MYO9A: variants seen among roughly 807,000 people sequenced by gnomAD.
MYO9A encodes unconventional myosin-IXa.
In MYO9A, 103 loss-of-function variants were observed where a neutral mutation model predicts 293.3. That is an observed-to-expected ratio of 0.35 (90% CI 0.30 to 0.41). The LOEUF (loss-of-function observed/expected upper bound fraction) is 0.41. Ranked by LOEUF, MYO9A falls within the 10% of genes least tolerant of loss-of-function variation. The probability of loss-of-function intolerance (pLI) is 1.00; values close to 1 mark genes in which losing one functional copy is unlikely to be tolerated. For synonymous variants in MYO9A, 1,001 were observed against 1,035.7 expected (o/e 0.97, Z 0.64); for missense variants, 2,685 against 3,033.0 (o/e 0.89, Z 2.69).
Position 71,826,968 on chromosome 15 carries a change from T to G in MYO9A, c.7259A>C (p.Lys2420Thr). 1 of 1,613,662 alleles carries G rather than the reference T, an allele frequency of 6.2e-7. No individual in the cohort carries two copies. The highest frequency in any genetic ancestry group is 8.5e-7 in the Non-Finnish European group (1 of 1,179,846). ...GACATCTAAAGAGTCTTGCTGCTTT[T>G]TAAGTTGCTTTCGCAACTTGCTGGA... ...EPSSKLRKQL[K>T]KQQDSLDVVD... is the part of the protein sequence containing the mutation. Residue 2420 changes from lysine to threonine, a missense_variant, in exon 42 of 42, where the codon AAA (lysine) becomes ACA (threonine). Lys to Thr is a moderately conservative substitution (Grantham distance 78). This residue lies in a region of MYO9A where 350 missense variants were observed against 328.9 expected (regional missense o/e 1.06). Coordinates refer to ENST00000356056, the MANE Select transcript of MYO9A (RefSeq NM_006901.4).
intron 1 of MYO9A, among the ~76,000 whole-genome samples, chr15:72,086,142 G>A (rs1005300030): frequency 6.6e-6 from 1 of 152,314 alleles, no homozygotes; most frequent in Non-Finnish European, 1.5e-5. Context: ...ACAGAGGGGT[G>A]CACACTTGTC....
At chr15:71,915,632 A>C (rs1383077755) in intron 19 of MYO9A, among the ~76,000 whole-genome samples, 1 of 152,152 alleles carries the variant, frequency 6.6e-6, no homozygotes, top group Non-Finnish European at 1.5e-5. Flanking sequence ...GCTGCAAAAG[A>C]AGCATTTTAA....
At chr15:71,906,266 T>C (rs565018589) in intron 19 of MYO9A, among the ~76,000 whole-genome samples, 2 of 152,336 alleles carry the variant, frequency 1.3e-5, no homozygotes, top group East Asian at 3.9e-4. Context: ...TCATGGGCAC[T>C]TAAAATAAAT....
chr15:72,011,788 G>C (rs2077182555), intron 6 of MYO9A, among the ~76,000 whole-genome samples: 1 of 152,070 alleles, frequency 6.6e-6, no homozygotes, highest in African/African-American at 2.4e-5. Context: ...CCTCACATTT[G>C]CATTTACATT....
At chr15:71,840,371 C>G (rs558046116) in intron 39 of MYO9A, among the ~76,000 whole-genome samples, 1 of 152,156 alleles carries the variant, frequency 6.6e-6, no homozygotes, top group African/African-American at 2.4e-5. Flanking sequence ...GGCTCCCACA[C>G]GAGGATGATC....
At chr15:71,851,182 G>A (rs2055632280) in intron 37 of MYO9A, 71 bp downstream of exon 37, 1 of 1,217,576 alleles carries the variant, frequency 8.2e-7, no homozygotes, top group Non-Finnish European at 1.2e-6. Context: ...TCCAAATGGA[G>A]AAATTCCTTA....
chr15:71,923,396 TCTCTC>T (rs2058208470), intron 18 of MYO9A, among the ~76,000 whole-genome samples: 2 of 152,200 alleles, frequency 1.3e-5, no homozygotes, highest in Non-Finnish European at 2.9e-5. Context: ...TTGGAAGAAT[TCTCTC>T]CTCTCCATTT....
chr15:72,071,391 A>G (rs1451507007), intron 1 of MYO9A, among the ~76,000 whole-genome samples: 1 of 152,224 alleles, frequency 6.6e-6, no homozygotes, highest in African/African-American at 2.4e-5. Context: ...AGTCAAAAAA[A>G]TAAGAGATGT....
chr15:71,985,048 T>C (rs140695254), intron 11 of MYO9A, among the ~76,000 whole-genome samples: 2 of 152,326 alleles, frequency 1.3e-5, no homozygotes, highest in African/African-American at 2.4e-5. Flanking sequence ...GCCTCTTGTA[T>C]AGCTGGGATT....
chr15:71,929,153 C>T (rs150659631), intron 18 of MYO9A, among the ~76,000 whole-genome samples: 7 of 151,660 alleles, frequency 4.6e-5, no homozygotes, highest in Admixed American at 6.6e-5. Context: ...AAGTACATTA[C>T]GGAATTTATA....
chr15:71,862,061 A>C (rs760801850), intron 33 of MYO9A, among the ~76,000 whole-genome samples: 12 of 152,134 alleles, frequency 7.9e-5, no homozygotes, highest in Non-Finnish European at 1.6e-4. Context: ...GAACCTGGGA[A>C]GCAGAGGTTG....
At chr15:71,927,799 G>A (rs1319332809) in intron 18 of MYO9A, among the ~76,000 whole-genome samples, 1 of 150,932 alleles carries the variant, frequency 6.6e-6, no homozygotes, top group African/African-American at 2.4e-5. Flanking sequence ...TTTTTATGTG[G>A]GGTGAGATAT....
At chr15:72,005,017 G>C (rs2076977353) in intron 8 of MYO9A, among the ~76,000 whole-genome samples, 1 of 152,126 alleles carries the variant, frequency 6.6e-6, no homozygotes, top group Non-Finnish European at 1.5e-5. Flanking sequence ...AAAGCCTTAA[G>C]ATTGCAATTA....
rs1440966513 is a variant in MYO9A, at chr15:71,824,751, A to G, written c.*1829T>C. ...TGCTCATTAACTATCATTATTCTGG[A>G]GATTTTAATGGCTTCCTTTCTCTGG... On this transcript the variant is annotated 3_prime_UTR_variant, in exon 42 of 42. Transcript: ENST00000356056. 1 of 152,200 alleles carries G rather than the reference A, an allele frequency of 6.6e-6. No individual in the cohort carries two copies. The highest frequency in any genetic ancestry group is 6.5e-5 in the Admixed American group (1 of 15,274). The allele number at this position is 152,200 out of a possible 1,614,324, so 9.4% of individuals were successfully genotyped here. A position where few individuals can be genotyped will look rare whatever the true frequency, so the allele number is the denominator to read the frequency against.
chr15:72,006,875 T>A (rs2077033034), intron 8 of MYO9A, among the ~76,000 whole-genome samples: 1 of 152,206 alleles, frequency 6.6e-6, no homozygotes, highest in Non-Finnish European at 1.5e-5. Context: ...TGTATTCTAG[T>A]TGAAAAAGTC....
intron 39 of MYO9A, among the ~76,000 whole-genome samples, chr15:71,842,458 C>A (rs1342331983): frequency 1.3e-5 from 2 of 152,084 alleles, no homozygotes; most frequent in African/African-American, 4.8e-5. Context: ...AACACTGAGG[C>A]ATGGAGATTA....
intron 26 of MYO9A, among the ~76,000 whole-genome samples, chr15:71,889,154 C>A (rs1335997591): frequency 6.6e-6 from 1 of 151,892 alleles, no homozygotes; most frequent in Non-Finnish European, 1.5e-5. Flanking sequence ...GTGAGAAGCA[C>A]AAAGATAGAA....
At chr15:72,087,510 C>T (rs1271791384) in intron 1 of MYO9A, among the ~76,000 whole-genome samples, 7 of 152,160 alleles carry the variant, frequency 4.6e-5, no homozygotes, top group African/African-American at 7.2e-5. Context: ...GAGAGCATAC[C>T]GTTCCTTGCC....
chr15:71,897,202 G>A (rs975312205), intron 25 of MYO9A: 14 of 449,186 alleles, frequency 3.1e-5, no homozygotes, highest in Middle Eastern at 5.9e-4. Flanking sequence ...GCACTGTACT[G>A]CCCTTCACAA....
Sources: gnomAD v4.1 joint callset for allele counts (sites outside exome capture counted in the v4.1 genomes callset) on GRCh38, gnomAD v4.1.1 for gene constraint, gnomAD v4.1.1 regional missense constraint, MANE v1.5 for transcripts, NCBI Gene and HGNC (gene_info 2026-07-23, HGNC 2026-07-21) for gene names.